The following ENPP2 variants were observed in gnomAD, a reference collection of about 807,000 sequenced individuals.
The protein encoded by ENPP2 is ectonucleotide pyrophosphatase/phosphodiesterase 2.
ENPP2 carries 51 observed loss-of-function variants against 120.2 expected under a neutral mutation model. That is an observed-to-expected ratio of 0.42 (90% confidence interval 0.34 to 0.54). The LOEUF (loss-of-function observed/expected upper bound fraction) is 0.54, where lower values mean the gene tolerates loss of function less well. Among genes scored for constraint, ENPP2 ranks in the 20% least tolerant of loss-of-function variants. The probability of loss-of-function intolerance (pLI) is 0.04; values close to 1 mark genes in which losing one functional copy is unlikely to be tolerated. For missense variants in ENPP2, 920 were observed against 1,066.5 expected, an observed-to-expected ratio of 0.86 and a Z score of 1.91; for synonymous variants, 365 against 366.4, an observed-to-expected ratio of 1.00 and a Z score of 0.04.
chr8:119,638,734 CT>C lies in ENPP2; in HGVS notation c.33+13del. On this transcript the variant is annotated intron_variant, in intron 1 of 24. Transcript: ENST00000075322. ...AGATCAAGCATGTCCCCCGTCATTC[CT>C]CCGTTCTCCCACCTGACACGACTGG... The C allele has an allele frequency of 6.7e-7, 1 of 1,488,388 alleles. No homozygotes were observed. Among genetic ancestry groups the C allele is most frequent in the Non-Finnish European group, 9.4e-7 (1 of 1,065,022 alleles). The allele number at this position is 1,488,388 out of a possible 1,614,324, so 92.2% of individuals were successfully genotyped here. A position where few individuals can be genotyped will look rare whatever the true frequency, so the allele number is the denominator to read the frequency against.
At chr8:119,565,549 T>C (rs1814347168) in intron 22 of ENPP2, among the ~76,000 whole-genome samples, 1 of 152,254 alleles carries the variant, frequency 6.6e-6, no homozygotes, top group Non-Finnish European at 1.5e-5. Flanking sequence ...TCAATGGCTC[T>C]GGCACTCACC....
At chr8:119,605,428 A>ATGTGTGTGTGTGTGTG (rs557037737) in intron 9 of ENPP2, among the ~76,000 whole-genome samples, 196 of 135,442 alleles carry the variant, frequency 1.4e-3, no homozygotes, top group Middle Eastern at 3.7e-3. Context: ...AAGATACCAT[A>ATGTGTGTGTGTGTGTG]TATGTGTGTG....
chr8:119,654,179 T>C (rs1000279759), intron 1 of ENPP2, among the ~76,000 whole-genome samples: 4 of 141,524 alleles, frequency 2.8e-5, no homozygotes, highest in Non-Finnish European at 4.5e-5. Context: ...AGGTATTCTA[T>C]ATATATTACA....
intron 14 of ENPP2, 152 bp from the exon 15 acceptor site, chr8:119,586,465 T>G: frequency 1.5e-6 from 1 of 658,904 alleles, no homozygotes; most frequent in Non-Finnish European, 2.6e-6. Flanking sequence ...TAATGTATGC[T>G]GAAAACAAAT....
At chr8:119,602,033 G>A (rs573631057) in intron 9 of ENPP2, among the ~76,000 whole-genome samples, 22 of 152,266 alleles carry the variant, frequency 1.4e-4, no homozygotes, top group Middle Eastern at 3.4e-3. Flanking sequence ...ATCATAATGC[G>A]TTATCATTCT....
chr8:119,592,495 A>AAAG (rs1207688488), intron 12 of ENPP2, among the ~76,000 whole-genome samples: 8 of 150,866 alleles, frequency 5.3e-5, no homozygotes, highest in East Asian at 3.9e-4. Context: ...AAAAAAAAAA[A>AAAG]AAGAAGAAGA....
chr8:119,619,480 A>G (rs538993370), intron 4 of ENPP2, among the ~76,000 whole-genome samples, 176 bp from the exon 5 acceptor site: 1 of 152,234 alleles, frequency 6.6e-6, no homozygotes, highest in East Asian at 1.9e-4. Flanking sequence ...AAGTACACCC[A>G]TACATGATGG....
chr8:119,627,153 T>G (rs935213056), intron 2 of ENPP2, among the ~76,000 whole-genome samples: 1 of 152,062 alleles, frequency 6.6e-6, no homozygotes, highest in Non-Finnish European at 1.5e-5. Flanking sequence ...AGCATGTCCC[T>G]ATTTAAAAAT....
In ENPP2 at chr8:119,580,128, C is replaced by A. The variant is rs1231837514; in HGVS notation, c.1768G>T (p.Gly590Trp). 5.0e-6 allele frequency: 8 copies of A among 1,613,360 alleles called. No individual in the cohort carries two copies. The highest frequency in any genetic ancestry group is 6.8e-6 in the Non-Finnish European group (8 of 1,179,298). ...DELNKRLHTK[G>W]STEERHLLYG... Reference sequence around the variant, plus strand: ...AACCACCCCTTACCTTCTGTAGACCCTTTTGTATGAAGCCGTTTGTTGAGT... The same window carrying A: ...AACCACCCCTTACCTTCTGTAGACCATTTTGTATGAAGCCGTTTGTTGAGT... Residue 590 changes from glycine to tryptophan, a missense_variant, in exon 19 of 25, where the codon GGG (glycine) becomes TGG (tryptophan). Transcript: ENST00000075322.
intron 19 of ENPP2, chr8:119,572,093 C>G: frequency 1.2e-6 from 1 of 837,218 alleles, no homozygotes; most frequent in Non-Finnish European, 1.9e-6. Context: ...ATATAATAAA[C>G]AAATAAAACA....
intron 1 of ENPP2, among the ~76,000 whole-genome samples, chr8:119,658,959 T>A (rs192366234): frequency 1.6e-3 from 251 of 152,274 alleles, no homozygotes; most frequent in African/African-American, 5.8e-3. Context: ...TTATTCTCTG[T>A]CAGTGGCAGC....
Position 119,638,765 on chromosome 8 carries a change from A to C in ENPP2, c.16T>G (p.Ser6Ala), listed in dbSNP as rs142729903. 203 of 1,606,836 alleles carry C rather than the reference A, an allele frequency of 1.3e-4. No individual in the cohort carries two copies. Among genetic ancestry groups the C allele is most frequent in the Admixed American group, 3.5e-4 (21 of 60,002 alleles). MARRS[S>A]FQSCQIISLF... ...TCTCCCACCTGACACGACTGGAACG[A>C]GCTCCTCCTTGCCATGTCGAGGATT... Residue 6 changes from serine (S) to alanine (A), a missense_variant, in exon 1 of 25, where the codon TCG (serine) becomes GCG (alanine). Transcript: ENST00000075322.
chr8:119,628,810 G>A (rs76521668), intron 2 of ENPP2, among the ~76,000 whole-genome samples: 240 of 152,296 alleles, frequency 1.6e-3, no homozygotes, highest in African/African-American at 5.7e-3. Context: ...GGGAGAAAAT[G>A]TCCAAGTTTG....
At chr8:119,627,565 T>A (rs990864670) in intron 2 of ENPP2, among the ~76,000 whole-genome samples, 2 of 151,986 alleles carry the variant, frequency 1.3e-5, no homozygotes, top group Non-Finnish European at 2.9e-5. Flanking sequence ...AAAAAATTTT[T>A]AAGATCTAAT....
rs574071334 is a variant in ENPP2 at position 119,569,730 on chromosome 8, T to G, written c.1918-360A>C. 3.1e-4 allele frequency among the ~76,000 whole-genome samples: 37 copies of G among 119,856 alleles called. 1 individual carries two copies. In the South Asian group the frequency reaches 0.012, roughly 38 times the overall value. 78.6% of individuals were successfully genotyped at this position (119,856 alleles called of 152,430 possible). A position where few individuals can be genotyped will look rare whatever the true frequency, so the allele number is the denominator to read the frequency against. ...ACAATATAGATGTATCTCCTCTAAA[T>G]AGACTATTTATCTGTGTGTGTGTGT... is the stretch of plus-strand genomic sequence containing the variant. On this transcript the variant is annotated intron_variant, in intron 20 of 24. Transcript: ENST00000075322.
At chr8:119,636,474 A>G (rs1817007364) in intron 2 of ENPP2, among the ~76,000 whole-genome samples, 1 of 152,218 alleles carries the variant, frequency 6.6e-6, no homozygotes, top group Non-Finnish European at 1.5e-5. Flanking sequence ...CGTGGTTAGA[A>G]GTTTAATAAA....
chr8:119,572,400 C>T, intron 19 of ENPP2: 1 of 651,370 alleles, frequency 1.5e-6, no homozygotes, highest in South Asian at 1.9e-5. Flanking sequence ...CAGCCATGTT[C>T]CCATACGCAA....
chr8:119,585,654 C>T (rs1438716374), intron 15 of ENPP2, among the ~76,000 whole-genome samples: 1 of 152,048 alleles, frequency 6.6e-6, no homozygotes, highest in Non-Finnish European at 1.5e-5. Flanking sequence ...CATTCAAAAG[C>T]AAGGAACATT....
At chr8:119,618,320 G>T (rs1448663105) in intron 5 of ENPP2, 1 of 482,752 alleles carries the variant, frequency 2.1e-6, no homozygotes, top group Admixed American at 2.1e-5. Context: ...GTTCTTATGG[G>T]CCTCTGTATA....
Sources: gnomAD v4.1 joint callset for allele counts (sites outside exome capture counted in the v4.1 genomes callset) on GRCh38, gnomAD v4.1.1 for gene constraint, MANE v1.5 for transcripts, NCBI Gene and HGNC (gene_info 2026-07-23, HGNC 2026-07-21) for gene names.